RAI1: variants seen among roughly 807,000 people sequenced by gnomAD.
RAI1 encodes retinoic acid-induced protein 1.
A neutral mutation model predicts 123.8 loss-of-function variants in RAI1; 9 were observed. That is an observed-to-expected ratio of 0.07 (90% confidence interval 0.04 to 0.13). RAI1 has a LOEUF of 0.13. Ranked by LOEUF, RAI1 falls within the 10% of genes least tolerant of loss-of-function variation. The pLI is 1.00. For missense variants in RAI1, 2,256 were observed against 2,545.8 expected, an observed-to-expected ratio of 0.89 and a Z score of 2.45; for synonymous variants, 1,231 against 1,127.3, an observed-to-expected ratio of 1.09 and a Z score of -1.84.
chr17:17,705,146 TTCATCA>T (rs564342612), intron 1 of RAI1, among the ~76,000 whole-genome samples: 3 of 152,080 alleles, frequency 2.0e-5, no homozygotes, highest in Non-Finnish European at 4.4e-5. Flanking sequence ...TGACTGATTC[TTCATCA>T]TCATCATCAT....
chr17:17,744,142 T>C (rs1916733239), intron 2 of RAI1, among the ~76,000 whole-genome samples: 1 of 152,184 alleles, frequency 6.6e-6, no homozygotes, highest in African/African-American at 2.4e-5. Context: ...TTGGGACTTG[T>C]CCACCTAGGA....
intron 1 of RAI1, among the ~76,000 whole-genome samples, chr17:17,697,518 G>A (rs1002782002): frequency 6.6e-6 from 1 of 152,256 alleles, no homozygotes; most frequent in African/African-American, 2.4e-5. Flanking sequence ...CACTTTACCT[G>A]TATCCAGGAG....
At chr17:17,802,176 G>A (rs542651555) in intron 3 of RAI1, 110 of 470,850 alleles carry the variant, frequency 2.3e-4, no homozygotes, top group South Asian at 1.7e-3. Flanking sequence ...TCCAGGTGTG[G>A]GGCAGCCCCC....
Position 17,810,065 on chromosome 17 carries a change from C to T in RAI1, c.*84C>T, listed in dbSNP as rs1211924602. On this transcript the variant is annotated 3_prime_UTR_variant, in exon 6 of 6. Transcript: ENST00000353383. This position sits in a 1 kb window ranked among gnomAD's most constrained non-coding sequence, Gnocchi z 4.6. ...GGAGAGGAGCCGCCTGCGCAGCCCCCGGGCCTTTGAGCTGCTCCCAGCGCT... is the reference window on the plus strand; with the variant it reads ...GGAGAGGAGCCGCCTGCGCAGCCCCTGGGCCTTTGAGCTGCTCCCAGCGCT... 59 of 1,520,870 alleles carry T rather than the reference C, an allele frequency of 3.9e-5. No homozygotes were observed. The highest frequency in any genetic ancestry group is 4.9e-5 in the Non-Finnish European group (55 of 1,131,094). The allele number at this position is 1,520,870 out of a possible 1,614,324, so 94.2% of individuals were successfully genotyped here.
intron 2 of RAI1, among the ~76,000 whole-genome samples, chr17:17,756,573 C>T (rs900455858): frequency 6.6e-6 from 1 of 152,114 alleles, no homozygotes; most frequent in African/African-American, 2.4e-5. Context: ...TCACCTTTAC[C>T]TCCCTTACGT....
At chr17:17,790,467 G>A (rs1286883367) in intron 2 of RAI1, among the ~76,000 whole-genome samples, 2 of 152,258 alleles carry the variant, frequency 1.3e-5, no homozygotes, top group African/African-American at 2.4e-5. Context: ...AATACAGCTC[G>A]GCTAAATTAA....
chr17:17,706,798 A>G (rs1012094623), intron 1 of RAI1, among the ~76,000 whole-genome samples: 5 of 152,230 alleles, frequency 3.3e-5, no homozygotes, highest in African/African-American at 1.2e-4. Context: ...GTGTGGGCTC[A>G]GGGGAAAAAA....
At position 17,795,816 on chromosome 17, in the gene RAI1, T is replaced by G. The variant is rs199509074; in HGVS notation, c.2868T>G (p.Pro956=). Residue 956 remains proline (P), a synonymous_variant, in exon 3 of 6, where the codon CCT becomes CCG. Coordinates refer to ENST00000353383, the MANE Select transcript of RAI1 (RefSeq NM_030665.4). The surrounding 1 kb of genome is among the most constrained non-coding windows in gnomAD (Gnocchi z 5.9). ...LSHMKPGEEG[P]DGERAPGDST... Reference sequence around the variant, plus strand: ...ACATGAAGCCAGGTGAAGAGGGGCCTGATGGGGAGCGAGCTCCAGGGGATT... The same window carrying G: ...ACATGAAGCCAGGTGAAGAGGGGCCGGATGGGGAGCGAGCTCCAGGGGATT... The G allele has an allele frequency of 5.6e-6, 9 of 1,613,580 alleles. No individual in the cohort carries two copies. The East Asian group carries it at 2.0e-4, about 36-fold the overall frequency.
chr17:17,793,190 G>A lies in RAI1; in HGVS notation c.242G>A (p.Gly81Asp). Residue 81 changes from glycine to aspartate, a missense_variant, in exon 3 of 6, where the codon GGC (glycine) becomes GAC (aspartate). By Grantham distance (94) the Gly-to-Asp change is moderately conservative. Coordinates refer to ENST00000353383, the MANE Select transcript of RAI1 (RefSeq NM_030665.4). ...AAVAADKYHR[G>D]SKALPTQQGL... is the part of the protein sequence containing the mutation. The stretch of plus-strand genomic sequence containing the variant: ...GTGGCCGCCGACAAGTACCACCGAG[G>A]CAGCAAGGCCCTGCCCACACAGCAA... The A allele has an allele frequency of 6.2e-7, 1 of 1,612,920 alleles. No homozygotes were observed. Among genetic ancestry groups the A allele is most frequent in the East Asian group, 2.2e-5 (1 of 44,846 alleles).
chr17:17,797,292 C>T lies in RAI1; in HGVS notation c.4344C>T (p.Ser1448=), dbSNP rs1186640983. Residue 1448 remains serine (S), a synonymous_variant, in exon 3 of 6, where the codon AGC becomes AGT. Coordinates refer to ENST00000353383, the MANE Select transcript of RAI1 (RefSeq NM_030665.4). ...CTGCCCTGGCGCCTAAGAAGAGGAGCCGGAAAGGCCGGGCAGGGGCCCATG... is the reference window on the plus strand; with the variant it reads ...CTGCCCTGGCGCCTAAGAAGAGGAGTCGGAAAGGCCGGGCAGGGGCCCATG... ...GGTALAPKKR[S]RKGRAGAHGL... 1 of 1,612,798 alleles carries T rather than the reference C, an allele frequency of 6.2e-7. No individual in the cohort carries two copies.
chr17:17,721,627 G>C (rs1235755003), intron 1 of RAI1, among the ~76,000 whole-genome samples: 1 of 152,200 alleles, frequency 6.6e-6, no homozygotes, highest in African/African-American at 2.4e-5. Context: ...AACTGAGGAG[G>C]GGAGGGAAGA....
chr17:17,738,854 G>A (rs1365669119), intron 2 of RAI1, among the ~76,000 whole-genome samples: 2 of 152,176 alleles, frequency 1.3e-5, no homozygotes, highest in Admixed American at 6.5e-5. Context: ...TACCTTCAAA[G>A]GGCTCATGCT....
At chr17:17,726,096 T>C (rs1916080907) in intron 2 of RAI1, among the ~76,000 whole-genome samples, 1 of 152,002 alleles carries the variant, frequency 6.6e-6, no homozygotes, top group African/African-American at 2.4e-5. Context: ...TCAGGGACCT[T>C]GTGGGAGGCG....
At chr17:17,745,753 C>T (rs918701603) in intron 2 of RAI1, among the ~76,000 whole-genome samples, 2 of 152,186 alleles carry the variant, frequency 1.3e-5, no homozygotes, top group African/African-American at 4.8e-5. Flanking sequence ...TTTTTAAAAA[C>T]TCTTTCTCCA....
Position 17,797,546 on chromosome 17 carries a change from G to C in RAI1, c.4598G>C (p.Ser1533Thr). Residue 1533 changes from serine (S) to threonine (T), a missense_variant, in exon 3 of 6, where the codon AGC (serine) becomes ACC (threonine). Ser to Thr is a moderately conservative substitution (Grantham distance 58). Around this residue, in one of 7 missense-constraint regions of RAI1, gnomAD observed 410 missense variants for 374.6 expected, o/e 1.09. Transcript: ENST00000353383. The stretch of plus-strand genomic sequence containing the variant: ...CAGCCAGGCCACACCAACTACAGCA[G>C]CTATTCCAAGCGGAAGCGCCTCACT... ...QKQPGHTNYS[S>T]YSKRKRLTRG... The C allele has an allele frequency of 6.2e-7, 1 of 1,614,000 alleles. No homozygotes were observed. Among genetic ancestry groups the C allele is most frequent in the Non-Finnish European group, 8.5e-7 (1 of 1,179,958 alleles).
intron 1 of RAI1, among the ~76,000 whole-genome samples, chr17:17,698,448 G>A (rs898274691): frequency 2.2e-4 from 34 of 152,316 alleles, no homozygotes; most frequent in African/African-American, 7.2e-4. Context: ...TCAGGAAAGC[G>A]GCAGACAACC....
intron 2 of RAI1, among the ~76,000 whole-genome samples, chr17:17,732,407 A>T (rs140671952): frequency 6.6e-6 from 1 of 151,980 alleles, no homozygotes; most frequent in African/African-American, 2.4e-5. Context: ...TGTCTGGGAG[A>T]GGGGGATGGG....
Position 17,810,018 on chromosome 17 carries a change from C to CGCCT in RAI1, c.*41_*44dup. 1 of 1,543,762 alleles carries CGCCT rather than the reference C, an allele frequency of 6.5e-7. No individual in the cohort carries two copies. The highest frequency in any genetic ancestry group is 2.5e-5 in the East Asian group (1 of 40,750). ...AACGGCCGGAGGAGCCGCCGGAGCC[C>CGCCT]GCCTGCCCGCCCGCCGCCGAAGGAG... On this transcript the variant is annotated 3_prime_UTR_variant, in exon 6 of 6. Coordinates refer to ENST00000353383, the MANE Select transcript of RAI1 (RefSeq NM_030665.4). This position sits in a 1 kb window ranked among gnomAD's most constrained non-coding sequence, Gnocchi z 4.6.
intron 1 of RAI1, among the ~76,000 whole-genome samples, chr17:17,721,333 C>A (rs1273143536): frequency 1.3e-5 from 2 of 152,192 alleles, no homozygotes; most frequent in Non-Finnish European, 2.9e-5. Context: ...AGGAACCATT[C>A]CAAATACGGA....
Sources: gnomAD v4.1 joint callset for allele counts (sites outside exome capture counted in the v4.1 genomes callset) on GRCh38, gnomAD v4.1.1 for gene constraint, gnomAD v4.1.1 regional missense constraint, Gnocchi (gnomAD v3.1) non-coding constraint, MANE v1.5 for transcripts, NCBI Gene and HGNC (gene_info 2026-07-23, HGNC 2026-07-21) for gene names.